Variants in ELMO1 observed in about 807,000 individuals in gnomAD.
ELMO1 encodes engulfment and cell motility protein 1.
Under a neutral mutation model 98.9 loss-of-function variants are expected in ELMO1, and 26 were observed. The observed-to-expected ratio is 0.26, with a 90% CI of 0.19 to 0.36. The LOEUF is 0.36. ELMO1 is among the 10% of genes least tolerant of loss of function. The pLI is 1.00. For missense variants in ELMO1, 627 were observed against 935.2 expected (o/e 0.67, Z 4.30); for synonymous variants, 346 against 346.0 (o/e 1.00, Z 0.00).
intron 6 of ELMO1, among the ~76,000 whole-genome samples, chr7:37,252,268 AATC>A (rs749884336): frequency 4.6e-5 from 7 of 152,210 alleles, no homozygotes; most frequent in Non-Finnish European, 8.8e-5. Flanking sequence ...GAGCCCATAT[AATC>A]TAGACATTCC....
intron 16 of ELMO1, among the ~76,000 whole-genome samples, chr7:36,911,114 G>A (rs6951529): frequency 0.012 from 1,775 of 152,268 alleles, 34 homozygotes; most frequent in East Asian, 0.076. Flanking sequence ...ACATGGTGCT[G>A]TGGAGAAAGG....
At chr7:37,189,502 T>C (rs1390263505) in intron 13 of ELMO1, among the ~76,000 whole-genome samples, 1 of 152,192 alleles carries the variant, frequency 6.6e-6, no homozygotes, top group East Asian at 1.9e-4. Context: ...GGGAAGTTTA[T>C]GGCAACCCAA....
chr7:37,348,517 T>A (rs915705507), intron 1 of ELMO1, among the ~76,000 whole-genome samples: 1 of 152,134 alleles, frequency 6.6e-6, no homozygotes, highest in African/African-American at 2.4e-5. Context: ...TCGATATGCA[T>A]GTTAAGTGGT....
In ELMO1 at chr7:36,907,605, C is replaced by T. The variant is rs967948695; in HGVS notation, c.1438-12588G>A. Among the ~76,000 whole-genome samples the T allele has an allele frequency of 7.9e-5, 12 of 152,312 alleles. No homozygotes were observed. In the East Asian group the frequency reaches 2.3e-3, roughly 29 times the overall value. ...CACTCCATCCCTCTTCCTTTCTGCTCCTCTGTTCTACCTCTCACAGCTGTG... is the reference window on the plus strand; with the variant it reads ...CACTCCATCCCTCTTCCTTTCTGCTTCTCTGTTCTACCTCTCACAGCTGTG... On this transcript the variant is annotated intron_variant, in intron 16 of 21. Transcript: ENST00000310758.
chr7:37,216,623 G>A lies in ELMO1; in HGVS notation c.831+22C>T, dbSNP rs373141210. ...CAGGCCACTCCTCCCCCACAAAGAG[G>A]TCACAGCGCATAGGTACTCACTGTT... On this transcript the variant is annotated intron_variant, in intron 11 of 21. Coordinates refer to ENST00000310758, the MANE Select transcript of ELMO1 (RefSeq NM_014800.11). The A allele has an allele frequency of 2.5e-6, 4 of 1,613,592 alleles. No individual in the cohort carries two copies. In the East Asian group the frequency reaches 6.7e-5, roughly 27 times the overall value.
At chr7:37,264,290 T>C (rs989424463) in intron 5 of ELMO1, among the ~76,000 whole-genome samples, 1 of 143,934 alleles carries the variant, frequency 6.9e-6, no homozygotes, top group Non-Finnish European at 1.5e-5. Flanking sequence ...CATATATATA[T>C]GAATGCATAA....
intron 13 of ELMO1, among the ~76,000 whole-genome samples, chr7:37,166,225 CTCTT>C (rs1037989993): frequency 8.5e-5 from 13 of 152,212 alleles, no homozygotes; most frequent in Non-Finnish European, 1.6e-4. Context: ...TGATTCTTCT[CTCTT>C]TTTTTCTTTA....
At chr7:37,125,868 T>C (rs1786473280) in intron 14 of ELMO1, among the ~76,000 whole-genome samples, 1 of 152,182 alleles carries the variant, frequency 6.6e-6, no homozygotes, top group African/African-American at 2.4e-5. Context: ...TGTGGCACTA[T>C]TCACAATAGG....
chr7:37,195,533 G>A (rs1420241096), intron 13 of ELMO1, among the ~76,000 whole-genome samples: 1 of 152,228 alleles, frequency 6.6e-6, no homozygotes, highest in Non-Finnish European at 1.5e-5. Flanking sequence ...CTCACACCTT[G>A]GATGCCTGTT....
chr7:37,246,743 T>C (rs1316308933), intron 6 of ELMO1, among the ~76,000 whole-genome samples: 2 of 151,538 alleles, frequency 1.3e-5, no homozygotes, highest in Non-Finnish European at 2.9e-5. Flanking sequence ...TTACAACGCT[T>C]TGTTAAGATG....
At chr7:37,188,436 A>ACT (rs1355016626) in intron 13 of ELMO1, among the ~76,000 whole-genome samples, 1 of 37,226 alleles carries the variant, frequency 2.7e-5, no homozygotes, top group Non-Finnish European at 4.6e-5. Context: ...ACACACACAC[A>ACT]CACACACACA....
intron 7 of ELMO1, among the ~76,000 whole-genome samples, chr7:37,233,759 C>G (rs1425059149): frequency 6.6e-6 from 1 of 152,144 alleles, no homozygotes. Flanking sequence ...TCTGTGTGGA[C>G]ACACAGATAC....
At chr7:37,356,165 G>A (rs574459899) in intron 1 of ELMO1, among the ~76,000 whole-genome samples, 2 of 151,486 alleles carry the variant, frequency 1.3e-5, no homozygotes, top group Non-Finnish European at 3.0e-5. Flanking sequence ...AAATTCCATG[G>A]TGTCTATGTG....
chr7:37,317,853 A>G (rs1277706343), intron 2 of ELMO1, among the ~76,000 whole-genome samples: 1 of 152,230 alleles, frequency 6.6e-6, no homozygotes, highest in African/African-American at 2.4e-5. Flanking sequence ...ACAAAGGATA[A>G]ATGCTTGACG....
At chr7:37,257,190 A>G (rs1795710864) in intron 6 of ELMO1, among the ~76,000 whole-genome samples, 1 of 152,184 alleles carries the variant, frequency 6.6e-6, no homozygotes, top group South Asian at 2.1e-4. Flanking sequence ...CAGTCACACC[A>G]GAGAGCAAGC....
intron 15 of ELMO1, among the ~76,000 whole-genome samples, chr7:37,051,232 T>C (rs914624138): frequency 4.6e-5 from 7 of 152,172 alleles, no homozygotes; most frequent in African/African-American, 9.7e-5. Context: ...CTTATGCATG[T>C]TGGGTGAGAT....
At chr7:37,063,009 C>G (rs1400514813) in intron 15 of ELMO1, among the ~76,000 whole-genome samples, 1 of 152,200 alleles carries the variant, frequency 6.6e-6, no homozygotes, top group Non-Finnish European at 1.5e-5. Flanking sequence ...CACAGCTCCC[C>G]TACACATGCA....
chr7:36,861,764 T>C (rs1198075875), intron 20 of ELMO1, 28 bp from the exon 21 acceptor site: 3 of 1,607,568 alleles, frequency 1.9e-6, no homozygotes, highest in Non-Finnish European at 2.6e-6. Flanking sequence ...AAACAGCACC[T>C]TAAGGAAAAT....
At position 37,179,076 on chromosome 7, in the gene ELMO1, C is replaced by T. The variant is rs987431326; in HGVS notation, c.1086+32310G>A. ...ATAATGTGTATGATATTAGCATTGC[C>T]GGAAGCTAGGTAAAGGGAACAGGGT... is the stretch of plus-strand genomic sequence containing the variant. On this transcript the variant is annotated intron_variant, in intron 13 of 21. Coordinates refer to ENST00000310758, the MANE Select transcript of ELMO1 (RefSeq NM_014800.11). 1.3e-4 allele frequency among the ~76,000 whole-genome samples: 19 copies of T among 151,968 alleles called. No individual in the cohort carries two copies. The South Asian group carries it at 1.9e-3, about 15-fold the overall frequency.
Sources: allele counts gnomAD v4.1 joint callset (sites outside exome capture counted in the v4.1 genomes callset), GRCh38; gene constraint gnomAD v4.1.1; transcripts MANE v1.5; gene names NCBI Gene and HGNC (gene_info 2026-07-23, HGNC 2026-07-21).